The following ARHGAP36 variants were observed in gnomAD, a reference collection of about 807,000 sequenced individuals.
ARHGAP36 encodes Rho GTPase activating protein 36, also known as rho GTPase-activating protein 36.
ARHGAP36 carries 7 observed loss-of-function variants against 32.9 expected under a neutral mutation model. The observed-to-expected ratio is 0.21, with a 90% CI of 0.12 to 0.40. ARHGAP36 has a LOEUF of 0.40. Ranked by LOEUF, ARHGAP36 falls within the 10% of genes least tolerant of loss-of-function variation. ARHGAP36 has a pLI of 1.00. For synonymous variants in ARHGAP36, 165 were observed against 168.3 expected (o/e 0.98, Z 0.15); for missense variants, 383 against 442.2 (o/e 0.87, Z 1.20).
chrX:131,076,546 T>G (rs1383837978), intron 1 of ARHGAP36, among the ~76,000 whole-genome samples: 1 of 112,664 alleles, frequency 8.9e-6, no homozygotes, highest in Admixed American at 9.3e-5. Context: ...CTGTAATATG[T>G]GGTGGCTGCC....
At chrX:131,083,528 T>G (rs1157722107) in intron 3 of ARHGAP36, among the ~76,000 whole-genome samples, 1 of 111,779 alleles carries the variant, frequency 8.9e-6, no homozygotes, top group African/African-American at 3.3e-5. Context: ...TCGAGCCTCG[T>G]CGGGGTGGTT....
Position 131,089,712 on chromosome X carries a change from A to T in ARHGAP36, c.*927A>T, listed in dbSNP as rs759918592. Reference sequence around the variant, plus strand: ...TGGGTTGCATATGATCCAGAATTACAGCTGATATTATGGATGACAACTGCT... The same window carrying T: ...TGGGTTGCATATGATCCAGAATTACTGCTGATATTATGGATGACAACTGCT... On this transcript the variant is annotated 3_prime_UTR_variant, in exon 12 of 12. Transcript: ENST00000276211. 28 of 112,931 alleles carry T rather than the reference A, an allele frequency of 2.5e-4. No individual in the cohort carries two copies. The highest frequency in any genetic ancestry group is 8.4e-4 in the African/African-American group (26 of 30,988). 9.3% of individuals were successfully genotyped at this position (112,931 alleles called of 1,213,427 possible).
intron 1 of ARHGAP36, among the ~76,000 whole-genome samples, chrX:131,075,012 G>A (rs1205293304): frequency 8.9e-6 from 1 of 112,040 alleles, no homozygotes; most frequent in Non-Finnish European, 1.9e-5. Flanking sequence ...GCTGACAGTG[G>A]GTGAGTACCC....
intron 1 of ARHGAP36, among the ~76,000 whole-genome samples, chrX:131,074,770 C>A (rs1358893066): frequency 9.0e-6 from 1 of 111,717 alleles, no homozygotes; most frequent in Non-Finnish European, 1.9e-5. Context: ...GCTTTCTACT[C>A]CAGGTAGCTC....
intron 1 of ARHGAP36, among the ~76,000 whole-genome samples, chrX:131,065,041 TTGTGTG>T (rs35681413): frequency 0.01 from 1,074 of 103,373 alleles, 10 homozygotes; most frequent in African/African-American, 0.031. Context: ...GTGTGTGTGT[TTGTGTG>T]TGTGTGTGTG....
intron 11 of ARHGAP36, among the ~76,000 whole-genome samples, chrX:131,087,217 G>T (rs746946966): frequency 9.0e-6 from 1 of 111,275 alleles, no homozygotes; most frequent in Non-Finnish European, 1.9e-5. Flanking sequence ...CCCAGACCAC[G>T]CAGATGCTTC....
intron 2 of ARHGAP36, among the ~76,000 whole-genome samples, chrX:131,082,296 G>C (rs1479871504): frequency 8.9e-6 from 1 of 111,991 alleles, no homozygotes; most frequent in Non-Finnish European, 1.9e-5. Context: ...GAGAGATAGA[G>C]ACAGCGCGGT....
rs766840004 is a variant in ARHGAP36, at chrX:131,083,863, G to T, written c.449G>T (p.Arg150Leu). Residue 150 changes from arginine to leucine, a missense_variant, in exon 4 of 12, where the codon CGT becomes CTT. Arg to Leu is a moderately radical substitution (Grantham distance 102). This residue lies in a region of ARHGAP36 where 156 missense variants were observed against 131.0 expected (regional missense o/e 1.19). Coordinates refer to ENST00000276211, the MANE Select transcript of ARHGAP36 (RefSeq NM_144967.4). ...GCCACCGGTCAGGCTGCGGGCCGTCGTCGGGGAAACGTGGTGCGAAGGGTG... is the reference window on the plus strand; with the variant it reads ...GCCACCGGTCAGGCTGCGGGCCGTCTTCGGGGAAACGTGGTGCGAAGGGTG... ...EEATGQAAGR[R>L]RGNVVRRVFG... 5.0e-6 allele frequency: 6 copies of T among 1,210,938 alleles called. No individual in the cohort carries two copies. Among genetic ancestry groups the T allele is most frequent in the African/African-American group, 3.5e-5 (2 of 57,429 alleles).
intron 1 of ARHGAP36, among the ~76,000 whole-genome samples, chrX:131,071,228 G>A (rs1241439449): frequency 1.8e-5 from 2 of 110,252 alleles, no homozygotes; most frequent in East Asian, 2.9e-4. Flanking sequence ...GGGGATGCCA[G>A]GGACAAATTG....
intron 1 of ARHGAP36, among the ~76,000 whole-genome samples, chrX:131,075,402 C>A (rs912478485): frequency 1.8e-5 from 2 of 110,422 alleles, no homozygotes; most frequent in African/African-American, 6.6e-5. Flanking sequence ...CAGGACCTTG[C>A]CAGGATACCA....
At chrX:131,081,335 CTAAT>C (rs2079796885) in intron 1 of ARHGAP36, among the ~76,000 whole-genome samples, 185 bp from the exon 2 acceptor site, 1 of 110,323 alleles carries the variant, frequency 9.1e-6, no homozygotes. Flanking sequence ...AATTAATTAA[CTAAT>C]TAATTAATGG....
intron 1 of ARHGAP36, among the ~76,000 whole-genome samples, chrX:131,061,818 C>T (rs2079670597): frequency 8.9e-6 from 1 of 112,338 alleles, no homozygotes; most frequent in Non-Finnish European, 1.9e-5. Context: ...TGCTCTAGAG[C>T]TTAGCCCATA....
rs751303605 is a variant in ARHGAP36 at position 131,075,717 on chromosome X, T to C, written c.-142-5807T>C. 2.1e-3 allele frequency among the ~76,000 whole-genome samples: 231 copies of C among 108,921 alleles called. 2 individuals carry two copies. Among genetic ancestry groups the C allele is most frequent in the Non-Finnish European group, 2.1e-3 (112 of 52,467 alleles). 94.6% of individuals were successfully genotyped at this position (108,921 alleles called of 115,157 possible). A position where few individuals can be genotyped will look rare whatever the true frequency, so the allele number is the denominator to read the frequency against. ...AATGGCACAGAGCAATGTATAAAAA[T>C]AATACCTCAAAAATCCAACCACATC... On this transcript the variant is annotated intron_variant, in intron 1 of 11. Transcript: ENST00000276211.
chrX:131,083,124 C>A, intron 2 of ARHGAP36, 41 bp from the exon 3 acceptor site: 2 of 1,162,946 alleles, frequency 1.7e-6, no homozygotes, highest in Non-Finnish European at 2.3e-6. Context: ...CTTATTAAGT[C>A]CTATTTGTAA....
chrX:131,074,352 TGTGTGTGAGA>T (rs2079749322), intron 1 of ARHGAP36, among the ~76,000 whole-genome samples: 2 of 102,743 alleles, frequency 1.9e-5, no homozygotes, highest in South Asian at 4.7e-4. Context: ...TGTGTGTGTG[TGTGTGTGAGA>T]GAGAGAGAGA....
intron 6 of ARHGAP36, 86 bp downstream of exon 6, chrX:131,084,767 T>G: frequency 8.5e-7 from 1 of 1,173,032 alleles, no homozygotes; most frequent in South Asian, 1.9e-5. Flanking sequence ...GACTACCTGG[T>G]GGGGGGAGGA....
Position 131,058,361 on chromosome X carries a change from G to T in ARHGAP36, c.-226G>T. ...GGGGGACGACGCAAAGGTTAACTGC[G>T]AGCTGCCGGGCACTCAGCGCGGGTC... is the stretch of plus-strand genomic sequence containing the variant. On this transcript the variant is annotated 5_prime_UTR_variant, in exon 1 of 12. Transcript: ENST00000276211. The T allele has an allele frequency of 8.9e-7, 1 of 1,126,461 alleles. No homozygotes were observed. Among genetic ancestry groups the T allele is most frequent in the Non-Finnish European group, 1.2e-6 (1 of 853,274 alleles). The allele number at this position is 1,126,461 out of a possible 1,213,427, so 92.8% of individuals were successfully genotyped here.
At chrX:131,077,764 C>CATATATATATATATATATAT (rs72142237) in intron 1 of ARHGAP36, among the ~76,000 whole-genome samples, 5 of 87,024 alleles carry the variant, frequency 5.7e-5, no homozygotes, top group African/African-American at 2.0e-4. Context: ...CAAATAAAAT[C>CATATATATATATATATATAT]ATATATATAT....
In ARHGAP36 at chrX:131,086,342, T is replaced by C; in HGVS notation, c.1295T>C (p.Ile432Thr). 1 of 1,211,880 alleles carries C rather than the reference T, an allele frequency of 8.3e-7. No individual in the cohort carries two copies. Among genetic ancestry groups the C allele is most frequent in the Non-Finnish European group, 1.1e-6 (1 of 895,510 alleles). Reference sequence around the variant, plus strand: ...TTCTACCCTCAGGTGCCTCCCCATATTCAGAGGCAGGTTGCTAAGCGCGTG... The same window carrying C: ...TTCTACCCTCAGGTGCCTCCCCATACTCAGAGGCAGGTTGCTAAGCGCGTG... ...WDVLFQVPPH[I>T]QRQVAKRVWK... The change falls in exon 10 of 12, where the codon ATT (isoleucine) becomes ACT (threonine). Residue 432 changes from isoleucine to threonine, a missense_variant. Coordinates refer to ENST00000276211, the MANE Select transcript of ARHGAP36 (RefSeq NM_144967.4).
Sources: gnomAD v4.1 joint callset for allele counts (sites outside exome capture counted in the v4.1 genomes callset) on GRCh38, gnomAD v4.1.1 for gene constraint, gnomAD v4.1.1 regional missense constraint, MANE v1.5 for transcripts, NCBI Gene and HGNC (gene_info 2026-07-23, HGNC 2026-07-21) for gene names.